TRPC3: variants seen among roughly 807,000 people sequenced by gnomAD.
TRPC3 encodes transient receptor potential cation channel subfamily C member 3, also known as short transient receptor potential channel 3.
In TRPC3, 54 loss-of-function variants were observed where a neutral mutation model predicts 90.9. That is an observed-to-expected ratio of 0.59 (90% CI 0.48 to 0.75). The LOEUF (loss-of-function observed/expected upper bound fraction) is 0.75, where lower values mean the gene tolerates loss of function less well. Among genes scored for constraint, TRPC3 ranks in the 30% least tolerant of loss-of-function variants. TRPC3 has a pLI of 0.00. For synonymous variants in TRPC3, 424 were observed against 450.9 expected (o/e 0.94, Z 0.75); for missense variants, 918 against 1,194.5 (o/e 0.77, Z 3.41).
Position 121,932,195 on chromosome 4 carries a change from G to A in TRPC3, c.987+76C>T. Reference sequence around the variant, plus strand: ...GGCAAAACCGAATGTGGAGCGAACGGTGGCAGAGCAGGCCAGGCAGCAGCG... The same window carrying A: ...GGCAAAACCGAATGTGGAGCGAACGATGGCAGAGCAGGCCAGGCAGCAGCG... On this transcript the variant is annotated intron_variant, in intron 2 of 11. Transcript: ENST00000379645. The surrounding 1 kb of genome is among the most constrained non-coding windows in gnomAD (Gnocchi z 7.7). The A allele has an allele frequency of 6.4e-7, 1 of 1,562,650 alleles. No individual in the cohort carries two copies.
intron 1 of TRPC3, among the ~76,000 whole-genome samples, chr4:121,935,299 CT>C (rs1560715571): frequency 6.6e-6 from 1 of 151,618 alleles, no homozygotes; most frequent in African/African-American, 2.4e-5. Context: ...AATAAATGTG[CT>C]GTGTTTGGCT....
intron 2 of TRPC3, among the ~76,000 whole-genome samples, chr4:121,930,093 G>C (rs141532212): frequency 6.6e-6 from 1 of 152,142 alleles, no homozygotes; most frequent in African/African-American, 2.4e-5. Flanking sequence ...TGGGATAAGA[G>C]GGGAGAAAGG....
intron 10 of TRPC3, among the ~76,000 whole-genome samples, chr4:121,890,635 T>C (rs1004671332): frequency 1.3e-5 from 2 of 152,038 alleles, no homozygotes; most frequent in Non-Finnish European, 1.5e-5. Flanking sequence ...AGCAGAAAAA[T>C]GTCTTGAGAT....
intron 3 of TRPC3, among the ~76,000 whole-genome samples, chr4:121,915,993 A>G (rs1012227924): frequency 6.6e-6 from 1 of 152,212 alleles, no homozygotes; most frequent in African/African-American, 2.4e-5. Context: ...AAAAAACAGA[A>G]TAAGCAATAA....
In TRPC3 at chr4:121,902,917, G is replaced by A; in HGVS notation, c.2398C>T (p.Pro800Ser). The A allele has an allele frequency of 6.2e-7, 1 of 1,613,376 alleles. No homozygotes were observed. The highest frequency in any genetic ancestry group is 8.5e-7 in the Non-Finnish European group (1 of 1,179,710). ...TGAAGCCTTCTCCTTCTGCATTTGG[G>A]AAAGTTAACAATTCGCATGATGAAA... ...VYFIMRIVNFPKCRRRRLQKD... is the reference protein window; with the variant it reads ...VYFIMRIVNFSKCRRRRLQKD... The change falls in exon 9 of 12, where the codon CCC becomes TCC. Residue 800 changes from proline (P) to serine (S), a missense_variant. Coordinates refer to ENST00000379645, the MANE Select transcript of TRPC3 (RefSeq NM_001130698.2).
At chr4:121,912,766 C>T (rs572631737) in intron 4 of TRPC3, among the ~76,000 whole-genome samples, 4 of 152,306 alleles carry the variant, frequency 2.6e-5, no homozygotes, top group South Asian at 2.1e-4. Context: ...GTAAATGGTA[C>T]AAAGGGACTT....
intron 1 of TRPC3, among the ~76,000 whole-genome samples, chr4:121,935,956 A>G (rs143024306): frequency 2.3e-3 from 348 of 152,298 alleles, no homozygotes; most frequent in African/African-American, 7.8e-3. Flanking sequence ...TATTCCTTCA[A>G]AAGCTATACC....
chr4:121,882,284 C>T (rs1020683390), intron 11 of TRPC3, 70 bp downstream of exon 11: 25 of 1,408,698 alleles, frequency 1.8e-5, no homozygotes, highest in Non-Finnish European at 2.2e-5. Context: ...TAAAATATGC[C>T]TCAACATTAA....
chr4:121,904,284 T>C (rs781265877), intron 8 of TRPC3, 38 bp downstream of exon 8: 1 of 1,556,472 alleles, frequency 6.4e-7, no homozygotes, highest in Non-Finnish European at 8.7e-7. Flanking sequence ...CAGAATAGGA[T>C]GACAAGGATA....
intron 6 of TRPC3, 147 bp downstream of exon 6, chr4:121,910,007 T>C (rs1729024071): frequency 1.4e-5 from 9 of 652,412 alleles, no homozygotes; most frequent in Admixed American, 2.9e-5. Context: ...TCCAGTTTTG[T>C]AGGTTCCAAA....
intron 11 of TRPC3, among the ~76,000 whole-genome samples, 180 bp from the exon 12 acceptor site, chr4:121,880,058 GA>G (rs915399816): frequency 6.6e-6 from 1 of 152,010 alleles, no homozygotes; most frequent in African/African-American, 2.4e-5. Context: ...ACTGACCTTT[GA>G]AAAAAGCTAT....
rs1729035540 is a variant in TRPC3 at position 121,910,326 on chromosome 4, CT to C, written c.1619del (p.Gln540ArgfsTer23). On this transcript the variant is annotated frameshift_variant, in exon 6 of 12. Coordinates refer to ENST00000379645, the MANE Select transcript of TRPC3 (RefSeq NM_001130698.2). LOFTEE classifies it high-confidence loss of function. ...TCCCAAAGTCAAGCACATTCCACAA[CT>C]GCAAAATGTATTCCCTAGGTCCTTC... Reference protein sequence around the residue: ...WLEGPREYILQLWNVLDFGML... With the variant: ...WLEGPREYILXLWNVLDFGML... 6.2e-7 allele frequency: 1 copy of C among 1,613,728 alleles called. No homozygotes were observed. Among genetic ancestry groups the C allele is most frequent in the African/African-American group, 1.3e-5 (1 of 74,898 alleles).
intron 3 of TRPC3, among the ~76,000 whole-genome samples, chr4:121,916,703 G>C (rs1026148867): frequency 1.3e-5 from 2 of 149,182 alleles, no homozygotes; most frequent in African/African-American, 4.9e-5. Flanking sequence ...CCAGCCTCCA[G>C]AACTGTAAGA....
At position 121,899,599 on chromosome 4, in the gene TRPC3, A is replaced by G; in HGVS notation, c.2547+13T>C. 1 of 1,608,206 alleles carries G rather than the reference A, an allele frequency of 6.2e-7. No individual in the cohort carries two copies. On this transcript the variant is annotated intron_variant, in intron 10 of 11. Transcript: ENST00000379645. ...CACATAGAGATCAAGAGATACGTCTAATGAATGCTTACCTGATAACGTGTT... is the reference window on the plus strand; with the variant it reads ...CACATAGAGATCAAGAGATACGTCTGATGAATGCTTACCTGATAACGTGTT...
intron 10 of TRPC3, among the ~76,000 whole-genome samples, chr4:121,890,171 G>A (rs1452660268): frequency 2.0e-5 from 3 of 152,154 alleles, no homozygotes; most frequent in Non-Finnish European, 4.4e-5. Context: ...GAGGGCAGGG[G>A]GAATGGGAAG....
chr4:121,882,560 G>T, intron 10 of TRPC3, 131 bp from the exon 11 acceptor site: 1 of 621,550 alleles, frequency 1.6e-6, no homozygotes, highest in Non-Finnish European at 2.6e-6. Context: ...ACTATGTATA[G>T]AAAAATTACG....
At chr4:121,898,864 A>G (rs564203999) in intron 10 of TRPC3, among the ~76,000 whole-genome samples, 24 of 152,182 alleles carry the variant, frequency 1.6e-4, no homozygotes, top group Non-Finnish European at 2.9e-4. Context: ...AAATTTACAA[A>G]AATTTTCTTA....
intron 4 of TRPC3, among the ~76,000 whole-genome samples, chr4:121,912,372 C>T (rs1729140564): frequency 6.6e-6 from 1 of 152,110 alleles, no homozygotes; most frequent in Admixed American, 6.6e-5. Context: ...AGGGCCTATA[C>T]TGGTTCTTGC....
intron 10 of TRPC3, among the ~76,000 whole-genome samples, chr4:121,893,217 C>T (rs113287719): frequency 1.0e-3 from 150 of 150,720 alleles, no homozygotes; most frequent in Non-Finnish European, 1.6e-3. Flanking sequence ...TGCGTGTGTG[C>T]GTGTGTATGT....
Sources: gnomAD v4.1 joint callset for allele counts (sites outside exome capture counted in the v4.1 genomes callset) on GRCh38, gnomAD v4.1.1 for gene constraint, Gnocchi (gnomAD v3.1) non-coding constraint, MANE v1.5 for transcripts, NCBI Gene and HGNC (gene_info 2026-07-23, HGNC 2026-07-21) for gene names.